The following ATP10A variants were observed in gnomAD, a reference collection of about 807,000 sequenced individuals.
The protein encoded by ATP10A is phospholipid-transporting ATPase VA.
A neutral mutation model predicts 147.8 loss-of-function variants in ATP10A; 111 were observed. The ratio of observed to expected loss-of-function variants is 0.75; its 90% CI spans 0.64 to 0.88. The LOEUF (loss-of-function observed/expected upper bound fraction) is 0.88. Ranked by LOEUF, ATP10A falls within the 40% of genes least tolerant of loss-of-function variation. The pLI, the probability that ATP10A is intolerant of heterozygous loss-of-function variation, is 0.00. For synonymous variants in ATP10A, 875 were observed against 841.6 expected, an observed-to-expected ratio of 1.04 and a Z score of -0.69; for missense variants, 1,927 against 1,959.0, an observed-to-expected ratio of 0.98 and a Z score of 0.31.
chr15:25,842,699 C>G (rs752810987), intron 1 of ATP10A, among the ~76,000 whole-genome samples: 1 of 151,874 alleles, frequency 6.6e-6, no homozygotes, highest in South Asian at 2.1e-4. Flanking sequence ...GATAGGTAAA[C>G]GTCTTTGACT....
intron 12 of ATP10A, among the ~76,000 whole-genome samples, chr15:25,702,613 A>G (rs1900734372): frequency 6.6e-6 from 1 of 152,224 alleles, no homozygotes; most frequent in Non-Finnish European, 1.5e-5. Flanking sequence ...TAAGGCCATT[A>G]TTTCTTGAAA....
At chr15:25,833,274 C>A (rs905419459) in intron 1 of ATP10A, among the ~76,000 whole-genome samples, 1 of 151,976 alleles carries the variant, frequency 6.6e-6, no homozygotes, top group East Asian at 1.9e-4. Flanking sequence ...TGAGCCACTG[C>A]GCCGGGCCCA....
chr15:25,850,473 C>T (rs1015220730), intron 1 of ATP10A, among the ~76,000 whole-genome samples: 5 of 152,200 alleles, frequency 3.3e-5, no homozygotes, highest in Admixed American at 2.6e-4. Context: ...CTCAGCCGAG[C>T]CCTGAAGGGA....
chr15:25,801,436 G>C (rs1393638661), intron 1 of ATP10A, among the ~76,000 whole-genome samples: 1 of 152,210 alleles, frequency 6.6e-6, no homozygotes, highest in Non-Finnish European at 1.5e-5. Context: ...GGCAATGCCT[G>C]TGTGGCAGGT....
intron 1 of ATP10A, among the ~76,000 whole-genome samples, chr15:25,827,906 C>T (rs1335593343): frequency 3.3e-5 from 5 of 151,998 alleles, no homozygotes; most frequent in African/African-American, 1.2e-4. Context: ...CTGTAAGAGA[C>T]ACACTTTAGA....
At chr15:25,688,218 A>T (rs1421305204) in intron 15 of ATP10A, among the ~76,000 whole-genome samples, 1 of 152,134 alleles carries the variant, frequency 6.6e-6, no homozygotes, top group Non-Finnish European at 1.5e-5. Context: ...CATGGTCACA[A>T]CCCAAGGATG....
chr15:25,732,329 C>A (rs1371607915), intron 3 of ATP10A, among the ~76,000 whole-genome samples: 3 of 151,828 alleles, frequency 2.0e-5, no homozygotes, highest in Non-Finnish European at 4.4e-5. Context: ...TCTGCCTCCC[C>A]CGCTCAAGTG....
chr15:25,850,555 T>C (rs912386739), intron 1 of ATP10A, among the ~76,000 whole-genome samples: 1 of 152,120 alleles, frequency 6.6e-6, no homozygotes, highest in Admixed American at 6.5e-5. Context: ...CCAGGCGCCA[T>C]TCTACGCGGC....
intron 1 of ATP10A, among the ~76,000 whole-genome samples, chr15:25,801,788 G>A (rs561248413): frequency 1.1e-4 from 17 of 152,244 alleles, no homozygotes; most frequent in Admixed American, 3.3e-4. Flanking sequence ...GAAGGCCCCC[G>A]TGCCAGTCTC....
chr15:25,855,810 C>G lies in ATP10A; in HGVS notation c.449+6838G>C, dbSNP rs1460043591. ...TATATGGAAAAGACTAAGGAAGCCACAAAACAATTATTAGATATAATAAGT... is the reference window on the plus strand; with the variant it reads ...TATATGGAAAAGACTAAGGAAGCCAGAAAACAATTATTAGATATAATAAGT... On this transcript the variant is annotated intron_variant, in intron 1 of 20. Coordinates refer to ENST00000555815, the MANE Select transcript of ATP10A (RefSeq NM_024490.4). 2.6e-5 allele frequency among the ~76,000 whole-genome samples: 4 copies of G among 152,056 alleles called. No individual in the cohort carries two copies. In the East Asian group the frequency reaches 7.7e-4, roughly 29 times the overall value.
chr15:25,851,454 T>C (rs923637883), intron 1 of ATP10A, among the ~76,000 whole-genome samples: 4 of 152,198 alleles, frequency 2.6e-5, no homozygotes, highest in African/African-American at 9.7e-5. Flanking sequence ...TACTTCATTT[T>C]ATGTTTTCAA....
chr15:25,841,416 G>A (rs1266247578), intron 1 of ATP10A: 3 of 151,834 alleles, frequency 2.0e-5, no homozygotes, highest in African/African-American at 4.8e-5. Context: ...CTTCACTCTG[G>A]TTCATTACAT....
chr15:25,777,819 C>G (rs1032523386), intron 2 of ATP10A, among the ~76,000 whole-genome samples: 2 of 149,168 alleles, frequency 1.3e-5, no homozygotes, highest in African/African-American at 2.5e-5. Context: ...TCTGTGTTGC[C>G]CAGGCTGGTC....
intron 16 of ATP10A, 74 bp from the exon 17 acceptor site, chr15:25,683,560 G>T: frequency 1.4e-6 from 2 of 1,392,280 alleles, no homozygotes; most frequent in Non-Finnish European, 2.0e-6. Flanking sequence ...CGAGGGAGCT[G>T]ACAGGCCTGC....
At position 25,718,166 on chromosome 15, in the gene ATP10A, G is replaced by A. The variant is rs1215817138; in HGVS notation, c.1581+16C>T. 1.2e-6 allele frequency: 2 copies of A among 1,606,722 alleles called. No homozygotes were observed. Among genetic ancestry groups the A allele is most frequent in the East Asian group, 2.2e-5 (1 of 44,690 alleles). On this transcript the variant is annotated intron_variant, in intron 8 of 20. Coordinates refer to ENST00000555815, the MANE Select transcript of ATP10A (RefSeq NM_024490.4). The stretch of plus-strand genomic sequence containing the variant: ...GAGACGTGGCAGCACCCTAGCAGGA[G>A]GCCCTGTACACTCACCATGGGGCTG...
chr15:25,727,295 G>T, intron 3 of ATP10A, 29 bp from the exon 4 acceptor site: 1 of 1,563,302 alleles, frequency 6.4e-7, no homozygotes, highest in Non-Finnish European at 8.8e-7. Flanking sequence ...CACATGTCAC[G>T]TGGTTGCAGG....
At chr15:25,730,136 C>CAAAA (rs765379278) in intron 3 of ATP10A, among the ~76,000 whole-genome samples, 10 of 100,800 alleles carry the variant, frequency 9.9e-5, no homozygotes, top group African/African-American at 3.6e-4. Context: ...ACTAAAAATA[C>CAAAA]AAAAAAAAAA....
intron 1 of ATP10A, among the ~76,000 whole-genome samples, chr15:25,791,827 A>G (rs1247462308): frequency 6.6e-6 from 1 of 152,168 alleles, no homozygotes; most frequent in African/African-American, 2.4e-5. Flanking sequence ...TGTCGGTTTT[A>G]ACATTTCTAG....
At chr15:25,764,598 G>A (rs1381864751) in intron 2 of ATP10A, among the ~76,000 whole-genome samples, 1 of 152,220 alleles carries the variant, frequency 6.6e-6, no homozygotes, top group Admixed American at 6.5e-5. Context: ...CCAGACGCCA[G>A]ATCTACTGGC....
Sources: gnomAD v4.1 joint callset for allele counts (sites outside exome capture counted in the v4.1 genomes callset) on GRCh38, gnomAD v4.1.1 for gene constraint, MANE v1.5 for transcripts, NCBI Gene and HGNC (gene_info 2026-07-23, HGNC 2026-07-21) for gene names.